HS3ST4: variants seen among roughly 807,000 people sequenced by gnomAD.
HS3ST4 encodes the protein heparan sulfate-glucosamine 3-sulfotransferase 4.
In HS3ST4, 17 loss-of-function variants were observed where a neutral mutation model predicts 29.2. That is an observed-to-expected ratio of 0.58 (90% confidence interval 0.40 to 0.87). The LOEUF (loss-of-function observed/expected upper bound fraction) is 0.87. Among genes scored for constraint, HS3ST4 ranks in the 40% least tolerant of loss-of-function variants. The pLI, the probability that HS3ST4 is intolerant of heterozygous loss-of-function variation, is 0.00. For missense variants in HS3ST4, 627 were observed against 634.5 expected (o/e 0.99, Z 0.13); for synonymous variants, 314 against 285.7 (o/e 1.10, Z -1.00).
In HS3ST4 at chr16:26,112,381, C is replaced by CT. The variant is rs386384539; in HGVS notation, c.735-23212dup. ...GCTTGAAGCCTTAAAGCCTCTACATCTTTTTTTTTTTTTTTTTTTGAGACG... is the reference window on the plus strand; with the variant it reads ...GCTTGAAGCCTTAAAGCCTCTACATCTTTTTTTTTTTTTTTTTTTTGAGACG... On this transcript the variant is annotated intron_variant, in intron 1 of 1. Transcript: ENST00000331351. 4.0e-3 allele frequency among the ~76,000 whole-genome samples: 453 copies of CT among 111,912 alleles called. 9 individuals carry two copies. The highest frequency in any genetic ancestry group is 0.011 in the East Asian group (42 of 3,662). 73.4% of individuals were successfully genotyped at this position (111,912 alleles called of 152,430 possible).
chr16:25,826,711 G>A (rs1350782536), intron 1 of HS3ST4, among the ~76,000 whole-genome samples: 1 of 152,172 alleles, frequency 6.6e-6, no homozygotes, highest in Non-Finnish European at 1.5e-5. Flanking sequence ...AACAAAGGAA[G>A]CAGTTGAATC....
Position 25,791,559 on chromosome 16 carries a change from A to G in HS3ST4, c.734+98408A>G, listed in dbSNP as rs564966270. Among the ~76,000 whole-genome samples, 4 of 152,222 alleles carry G rather than the reference A, an allele frequency of 2.6e-5. No homozygotes were observed. In the East Asian group the frequency reaches 7.7e-4, roughly 29 times the overall value. On this transcript the variant is annotated intron_variant, in intron 1 of 1. Coordinates refer to ENST00000331351, the MANE Select transcript of HS3ST4 (RefSeq NM_006040.3). ...GTCTAAGAATGTGGTATAACCTTTC[A>G]TTTATTAAAGTGTCTTTTAATTTAT...
At chr16:26,041,527 G>T (rs776743940) in intron 1 of HS3ST4, among the ~76,000 whole-genome samples, 3 of 152,092 alleles carry the variant, frequency 2.0e-5, no homozygotes, top group Non-Finnish European at 4.4e-5. Context: ...TCCTGTAGGT[G>T]ATTCTGATGC....
intron 1 of HS3ST4, among the ~76,000 whole-genome samples, chr16:25,918,462 G>A (rs1030131426): frequency 2.0e-5 from 3 of 152,352 alleles, no homozygotes; most frequent in Non-Finnish European, 2.9e-5. Flanking sequence ...ACATGGTTAA[G>A]CATGCATGTG....
intron 1 of HS3ST4, among the ~76,000 whole-genome samples, chr16:25,902,947 A>C (rs1014407935): frequency 6.6e-6 from 1 of 151,520 alleles, no homozygotes; most frequent in East Asian, 1.9e-4. Context: ...AAAAATACAA[A>C]AATTGGCTGG....
At chr16:26,058,691 T>C (rs1898440439) in intron 1 of HS3ST4, among the ~76,000 whole-genome samples, 1 of 152,184 alleles carries the variant, frequency 6.6e-6, no homozygotes, top group East Asian at 1.9e-4. Context: ...ATTGGTTCTG[T>C]TGTATCCTTT....
intron 1 of HS3ST4, among the ~76,000 whole-genome samples, chr16:25,741,365 T>TTAAA (rs71385569): frequency 1.5e-5 from 1 of 66,186 alleles, no homozygotes; most frequent in Admixed American, 2.4e-4. Flanking sequence ...GAATTCAAGG[T>TTAAA]AAAAAAAAAA....
At chr16:25,738,032 G>C (rs893957390) in intron 1 of HS3ST4, among the ~76,000 whole-genome samples, 1 of 151,528 alleles carries the variant, frequency 6.6e-6, no homozygotes, top group Non-Finnish European at 1.5e-5. Flanking sequence ...AGCCTCCCAA[G>C]TACCTGGGAT....
chr16:25,745,390 G>C (rs371998577), intron 1 of HS3ST4, among the ~76,000 whole-genome samples: 4 of 152,108 alleles, frequency 2.6e-5, no homozygotes, highest in Admixed American at 2.6e-4. Flanking sequence ...AATGCTTAGA[G>C]CAAGCTTAGA....
intron 1 of HS3ST4, among the ~76,000 whole-genome samples, chr16:25,743,079 A>G (rs897362885): frequency 2.0e-5 from 3 of 152,244 alleles, no homozygotes; most frequent in African/African-American, 7.2e-5. Context: ...CAACCTCAAC[A>G]TTCCAGAGAG....
chr16:25,981,509 C>T (rs1366049522), intron 1 of HS3ST4, among the ~76,000 whole-genome samples: 1 of 151,908 alleles, frequency 6.6e-6, no homozygotes, highest in Non-Finnish European at 1.5e-5. Context: ...CACCTGCCCT[C>T]ATTTCACACC....
intron 1 of HS3ST4, among the ~76,000 whole-genome samples, chr16:26,100,765 G>A (rs1898980879): frequency 6.6e-6 from 1 of 152,060 alleles, no homozygotes; most frequent in Non-Finnish European, 1.5e-5. Flanking sequence ...CTACCACCTG[G>A]CATCATAAAG....
At chr16:25,986,683 T>G (rs1410998914) in intron 1 of HS3ST4, among the ~76,000 whole-genome samples, 1 of 152,236 alleles carries the variant, frequency 6.6e-6, no homozygotes, top group African/African-American at 2.4e-5. Flanking sequence ...CGAGGCCATT[T>G]GGCATTCTGT....
chr16:26,020,722 A>G (rs1969405020), intron 1 of HS3ST4, among the ~76,000 whole-genome samples: 1 of 152,232 alleles, frequency 6.6e-6, no homozygotes. Flanking sequence ...CTTGCTGGAA[A>G]TGAATCTCAA....
intron 1 of HS3ST4, among the ~76,000 whole-genome samples, chr16:26,088,573 C>T (rs1898816987): frequency 6.6e-6 from 1 of 152,172 alleles, no homozygotes; most frequent in South Asian, 2.1e-4. Flanking sequence ...GATAAGTTCA[C>T]ACAGCTCTAA....
chr16:26,104,238 C>T (rs1387887395), intron 1 of HS3ST4, among the ~76,000 whole-genome samples: 8 of 152,238 alleles, frequency 5.3e-5, no homozygotes, highest in South Asian at 2.1e-4. Context: ...CTGTCAAAGA[C>T]GAGATTGTGC....
intron 1 of HS3ST4, among the ~76,000 whole-genome samples, chr16:26,098,096 G>C (rs1299335942): frequency 6.6e-6 from 1 of 152,218 alleles, no homozygotes; most frequent in Non-Finnish European, 1.5e-5. Context: ...AGATGCCAGA[G>C]AGGATGTGGA....
rs187188302 is a variant in HS3ST4 at position 25,714,080 on chromosome 16, C to T, written c.734+20929C>T. Among the ~76,000 whole-genome samples, 523 of 152,126 alleles carry T rather than the reference C, an allele frequency of 3.4e-3. 1 individual carries two copies. The highest frequency in any genetic ancestry group is 4.6e-3 in the Non-Finnish European group (316 of 68,026). On this transcript the variant is annotated intron_variant, in intron 1 of 1. Transcript: ENST00000331351. Reference sequence around the variant, plus strand: ...GAATTTTGCAGATCTCTGTACTAATCCATTACAAGATGCTATTCAGGTTTA... The same window carrying T: ...GAATTTTGCAGATCTCTGTACTAATTCATTACAAGATGCTATTCAGGTTTA...
intron 1 of HS3ST4, among the ~76,000 whole-genome samples, chr16:26,095,655 G>A (rs1485830631): frequency 6.6e-6 from 1 of 152,200 alleles, no homozygotes; most frequent in Admixed American, 6.5e-5. Context: ...ATGCCCACAA[G>A]AGAAAGCAGG....
Sources: allele counts gnomAD v4.1 joint callset (sites outside exome capture counted in the v4.1 genomes callset), GRCh38; gene constraint gnomAD v4.1.1; transcripts MANE v1.5; gene names NCBI Gene and HGNC (gene_info 2026-07-23, HGNC 2026-07-21).